MYO15A: variants seen among roughly 807,000 people sequenced by gnomAD.
The protein encoded by MYO15A is unconventional myosin-XV.
Under a neutral mutation model 394.6 loss-of-function variants are expected in MYO15A, and 308 were observed. The observed-to-expected ratio is 0.78, with a 90% CI of 0.71 to 0.86. MYO15A has a LOEUF of 0.86. MYO15A is among the 40% of genes least tolerant of loss of function. MYO15A has a pLI of 0.00. For synonymous variants in MYO15A, 1,957 were observed against 2,003.8 expected (o/e 0.98, Z 0.62); for missense variants, 4,606 against 4,799.1 (o/e 0.96, Z 1.19).
intron 62 of MYO15A, among the ~76,000 whole-genome samples, chr17:18,170,151 GTACAC>G (rs1444164240): frequency 6.6e-6 from 1 of 151,904 alleles, no homozygotes; most frequent in African/African-American, 2.4e-5. Context: ...AGACTCCACT[GTACAC>G]TTGTGAGAGC....
chr17:18,175,761 C>T (rs860568), intron 65 of MYO15A, among the ~76,000 whole-genome samples: 53,682 of 151,996 alleles, frequency 0.35, 10,050 homozygotes, highest in Non-Finnish European at 0.42. Flanking sequence ...TGGAGACCAA[C>T]AGTCCTCTCC....
In MYO15A at chr17:18,156,329, TGAA is replaced by T; in HGVS notation, c.8599_8601del (p.Lys2867del). 1 of 1,614,144 alleles carries T rather than the reference TGAA, an allele frequency of 6.2e-7. No individual in the cohort carries two copies. On this transcript the variant is annotated inframe_deletion, in exon 48 of 66. Transcript: ENST00000647165. ...CTGGTAGATGACTTCATCTTGGAGC[TGAA>T]GAAGGTCAGGATCTTCTCACAGATC...
In MYO15A at chr17:18,140,794, C is replaced by T; in HGVS notation, c.5368C>T (p.Pro1790Ser). 6.2e-7 allele frequency: 1 copy of T among 1,614,192 alleles called. No individual in the cohort carries two copies. Among genetic ancestry groups the T allele is most frequent in the Non-Finnish European group, 8.5e-7 (1 of 1,180,046 alleles). Residue 1790 changes from proline (P) to serine (S), a missense_variant, in exon 21 of 66, where the codon CCC becomes TCC. Physicochemically the swap from Pro to Ser is moderately conservative, Grantham distance 74. Transcript: ENST00000647165. ...TCTTCCTGCCACTGCCAGGTGCAAC[C>T]CCTTGTTCATGCGTTGCCTGAAGCC... ...DLVEKMERCNPLFMRCLKPNH... is the reference protein window; with the variant it reads ...DLVEKMERCNSLFMRCLKPNH...
chr17:18,124,332 C>A, intron 2 of MYO15A, 151 bp from the exon 3 acceptor site: 1 of 745,430 alleles, frequency 1.3e-6, no homozygotes, highest in Non-Finnish European at 2.3e-6. Context: ...GGGGCCACAG[C>A]ATTCTGTAAT....
intron 48 of MYO15A, among the ~76,000 whole-genome samples, chr17:18,156,661 C>A (rs1260127563): frequency 6.6e-6 from 1 of 152,218 alleles, no homozygotes; most frequent in Non-Finnish European, 1.5e-5. Flanking sequence ...GACTGGCAGC[C>A]CCCAGGCCTA....
rs1202215601 is a variant in MYO15A, at chr17:18,127,836, T to TAG, written c.4032+672_4032+673insGA. Among the ~76,000 whole-genome samples, 55 of 55,918 alleles carry TAG rather than the reference T, an allele frequency of 9.8e-4. 2 individuals are homozygous for TAG. Among genetic ancestry groups the TAG allele is most frequent in the African/African-American group, 3.7e-3 (51 of 13,614 alleles). The allele number at this position is 55,918 out of a possible 152,430, so 36.7% of individuals were successfully genotyped here. A position where few individuals can be genotyped will look rare whatever the true frequency, so the allele number is the denominator to read the frequency against. On this transcript the variant is annotated intron_variant, in intron 7 of 65. Coordinates refer to ENST00000647165, the MANE Select transcript of MYO15A (RefSeq NM_016239.4). ...GTGGAGGTGGGAAGAAAAAAAAAGA[T>TAG]ATATATATATATATATATATATATA...
At position 18,116,719 on chromosome 17, in the gene MYO15A, G is replaced by A. The variant is rs2045791371; in HGVS notation, c.-219-1863G>A. Among the ~76,000 whole-genome samples, 3 of 152,246 alleles carry A rather than the reference G, an allele frequency of 2.0e-5. No individual in the cohort carries two copies. In the South Asian group the frequency reaches 6.2e-4, roughly 32 times the overall value. ...GTGGATCACCTGAGATCAGGAGTTT[G>A]AGACCATCCCGGCCAACATGGTAAA... is the stretch of plus-strand genomic sequence containing the variant. On this transcript the variant is annotated intron_variant, in intron 1 of 65. Coordinates refer to ENST00000647165, the MANE Select transcript of MYO15A (RefSeq NM_016239.4).
chr17:18,116,306 G>C (rs537652074), intron 1 of MYO15A, among the ~76,000 whole-genome samples: 3 of 152,328 alleles, frequency 2.0e-5, no homozygotes, highest in Admixed American at 1.3e-4. Context: ...CTATGCTCCT[G>C]GCTCTGCCCA....
At chr17:18,138,317 GA>G in intron 17 of MYO15A, 71 bp downstream of exon 17, 3 of 1,555,664 alleles carry the variant, frequency 1.9e-6, no homozygotes, top group Non-Finnish European at 2.6e-6. Context: ...ATCCCACCCT[GA>G]CTCCTTCATT....
intron 34 of MYO15A, 26 bp from the exon 35 acceptor site, chr17:18,149,460 T>C (rs1320959409): frequency 6.2e-7 from 1 of 1,614,020 alleles, no homozygotes; most frequent in South Asian, 1.1e-5. Context: ...AAAAAGAACT[T>C]GACATTTTTG....
intron 8 of MYO15A, 98 bp downstream of exon 8, chr17:18,130,908 G>T (rs1341398871): frequency 7.4e-7 from 1 of 1,347,418 alleles, no homozygotes; most frequent in Non-Finnish European, 1.0e-6. Flanking sequence ...GCCTGCTCCT[G>T]TGTGGGTGGA....
intron 57 of MYO15A, among the ~76,000 whole-genome samples, 162 bp from the exon 58 acceptor site, chr17:18,162,423 G>A (rs7207276): frequency 6.6e-6 from 1 of 152,114 alleles, no homozygotes; most frequent in Non-Finnish European, 1.5e-5. Flanking sequence ...GCAAGTCACT[G>A]TCCCTGTCTG....
intron 12 of MYO15A, among the ~76,000 whole-genome samples, chr17:18,135,435 G>T (rs189419969): frequency 6.6e-6 from 1 of 152,162 alleles, no homozygotes; most frequent in Non-Finnish European, 1.5e-5. Flanking sequence ...TCCACCTCCC[G>T]GGTTCAAGCA....
rs749793925 is a variant in MYO15A, at chr17:18,155,319, C to T, written c.8346C>T (p.Ser2782=). 4.2e-5 allele frequency: 68 copies of T among 1,613,646 alleles called. No individual in the cohort carries two copies. Among genetic ancestry groups the T allele is most frequent in the Non-Finnish European group, 3.4e-6 (4 of 1,179,994 alleles). Residue 2782 remains serine (S), a synonymous_variant, in exon 47 of 66, where the codon AGC becomes AGT. Transcript: ENST00000647165. ...GCCCTTCATCTCTGCCCCAGGGCAG[C>T]GTGGGCACTGGTGTGCAGCTCCTAG... is the stretch of plus-strand genomic sequence containing the variant. ...YFSRIFPATG[S]VGTGVQLLAV...
rs1428229972 is a variant in MYO15A, at chr17:18,119,070, G to A, written c.270G>A (p.Met90Ile). ...CCACGTCAAAGCTCATGACGCAGAT[G>A]CGCATGGGCAAGAAGAAGCGGGCGA... ...LKSTSKLMTQ[M>I]RMGKKKRAMK... The change falls in exon 2 of 66, where the codon ATG (methionine) becomes ATA (isoleucine). Residue 90 changes from methionine to isoleucine, a missense_variant. Met to Ile is a conservative substitution (Grantham distance 10, BLOSUM62 1). Around this residue, in one of 2 missense-constraint regions of MYO15A, gnomAD observed 1,830 missense variants for 1,689.7 expected, o/e 1.08. Transcript: ENST00000647165. The A allele has an allele frequency of 1.2e-6, 2 of 1,612,234 alleles. No homozygotes were observed. Among genetic ancestry groups the A allele is most frequent in the Non-Finnish European group, 1.7e-6 (2 of 1,179,738 alleles).
rs1441314528 is a variant in MYO15A, at chr17:18,131,457, C to G, written c.4143-11C>G. 3 of 1,614,014 alleles carry G rather than the reference C, an allele frequency of 1.9e-6. No homozygotes were observed. Among genetic ancestry groups the G allele is most frequent in the Non-Finnish European group, 2.5e-6 (3 of 1,179,980 alleles). On this transcript the variant is annotated splice_polypyrimidine_tract_variant and intron_variant, in intron 9 of 65. Coordinates refer to ENST00000647165, the MANE Select transcript of MYO15A (RefSeq NM_016239.4). ...ACCCTCACTGAGAGCTGACTGTGCT[C>G]CCCACCCCAGGGGCGTGATCTCTGG...
chr17:18,167,632 G>A lies in MYO15A; in HGVS notation c.9991G>A (p.Ala3331Thr), dbSNP rs769261942. The A allele has an allele frequency of 6.2e-7, 1 of 1,603,846 alleles. No homozygotes were observed. The highest frequency in any genetic ancestry group is 1.1e-5 in the South Asian group (1 of 91,074). The change falls in exon 62 of 66, where the codon GCC becomes ACC. Residue 3331 changes from alanine (A) to threonine (T), a missense_variant. Transcript: ENST00000647165. ...YLKGLFSSVPASRPSEQLLQQ... is the reference protein window; with the variant it reads ...YLKGLFSSVPTSRPSEQLLQQ... ...GAAGGGACTCTTCAGCAGTGTGCCG[G>A]CCAGCCGGCCCAGCGAGCAGCTGCT...
In MYO15A at chr17:18,136,559, C is replaced by T; in HGVS notation, c.4656-4C>T. On this transcript the variant is annotated splice_polypyrimidine_tract_variant and splice_region_variant and intron_variant, in intron 14 of 65. Transcript: ENST00000647165. ...TGCTCACACCAGCACCACCTCTGCT[C>T]CAGGGACGCCATCGCCAAGGTCTTG... 6.2e-7 allele frequency: 1 copy of T among 1,614,040 alleles called. No individual in the cohort carries two copies. Among genetic ancestry groups the T allele is most frequent in the Non-Finnish European group, 8.5e-7 (1 of 1,180,054 alleles).
At position 18,154,208 on chromosome 17, in the gene MYO15A, CT is replaced by C; in HGVS notation, c.8148+21del. ...TCCGGCAGGTGAGGTCCTGTCTCCC[CT>C]TTCTGCCTCAGTGAACTCAGCAGGG... On this transcript the variant is annotated intron_variant, in intron 44 of 65. Transcript: ENST00000647165. The C allele has an allele frequency of 6.2e-7, 1 of 1,613,656 alleles. No individual in the cohort carries two copies. Among genetic ancestry groups the C allele is most frequent in the Non-Finnish European group, 8.5e-7 (1 of 1,179,848 alleles).
Sources: allele counts gnomAD v4.1 joint callset (sites outside exome capture counted in the v4.1 genomes callset), GRCh38; gene constraint gnomAD v4.1.1; regional missense constraint gnomAD v4.1.1; transcripts MANE v1.5; gene names NCBI Gene and HGNC (gene_info 2026-07-23, HGNC 2026-07-21).